EXOC2: variants seen among roughly 807,000 people sequenced by gnomAD.
EXOC2 encodes the protein exocyst complex component 2, also known as SEC5-like 1.
A neutral mutation model predicts 131.8 loss-of-function variants in EXOC2; 70 were observed. The ratio of observed to expected loss-of-function variants is 0.53; its 90% CI spans 0.44 to 0.65. The LOEUF (loss-of-function observed/expected upper bound fraction) is 0.65, where lower values mean the gene tolerates loss of function less well. Ranked by LOEUF, EXOC2 falls within the 30% of genes least tolerant of loss-of-function variation. The pLI is 0.00. For missense variants in EXOC2, 923 were observed against 1,108.6 expected, an observed-to-expected ratio of 0.83 and a Z score of 2.38; for synonymous variants, 411 against 398.4, an observed-to-expected ratio of 1.03 and a Z score of -0.38.
rs567412962 is a variant in EXOC2, at chr6:509,762, C to T, written c.2381-10062G>A. Among the ~76,000 whole-genome samples, 7 of 152,238 alleles carry T rather than the reference C, an allele frequency of 4.6e-5. No individual in the cohort carries two copies. The South Asian group carries it at 1.0e-3, about 23-fold the overall frequency. ...GCATTTCCTGTTGTAATTGGAAAGA[C>T]GGCTCCTTTAAACACAGGCGGATTT... On this transcript the variant is annotated intron_variant, in intron 23 of 27. Transcript: ENST00000230449.
intron 1 of EXOC2, among the ~76,000 whole-genome samples, chr6:646,316 TAGAC>T (rs60896046): frequency 0.67 from 101,637 of 151,504 alleles, 34,511 homozygotes; most frequent in Middle Eastern, 0.8. Context: ...CACAAAAACA[TAGAC>T]AGACAGATGG....
intron 1 of EXOC2, among the ~76,000 whole-genome samples, chr6:686,892 C>A (rs879438233): frequency 1.1e-4 from 16 of 152,056 alleles, no homozygotes; most frequent in Non-Finnish European, 1.9e-4. Flanking sequence ...CATCCACCCC[C>A]AACAAATAAA....
At chr6:553,415 GTA>G (rs1269143100) in intron 21 of EXOC2, among the ~76,000 whole-genome samples, 1 of 149,878 alleles carries the variant, frequency 6.7e-6, no homozygotes, top group African/African-American at 2.5e-5. Context: ...GTGTGTGTGT[GTA>G]TCTATTTGAG....
intron 23 of EXOC2, among the ~76,000 whole-genome samples, chr6:527,447 C>T (rs1765807491): frequency 6.6e-6 from 1 of 152,224 alleles, no homozygotes; most frequent in African/African-American, 2.4e-5. Flanking sequence ...TGTGCTTCTG[C>T]CTCTGTCTCC....
intron 1 of EXOC2, among the ~76,000 whole-genome samples, chr6:667,620 C>G (rs1290396368): frequency 1.0e-5 from 1 of 97,032 alleles, no homozygotes; most frequent in Admixed American, 1.2e-4. Context: ...CTTGAATCAC[C>G]AGAATGCCAC....
chr6:684,535 T>C (rs967917099), intron 1 of EXOC2, among the ~76,000 whole-genome samples: 5 of 152,344 alleles, frequency 3.3e-5, no homozygotes, highest in South Asian at 2.1e-4. Flanking sequence ...ATTTTCCTTA[T>C]AGATATACTA....
intron 7 of EXOC2, among the ~76,000 whole-genome samples, chr6:600,743 AAT>A (rs1281491718): frequency 3.4e-5 from 5 of 147,554 alleles, no homozygotes; most frequent in African/African-American, 1.3e-4. Flanking sequence ...AATTAAATAA[AAT>A]AGAGACAGAG....
At chr6:656,323 C>T in intron 1 of EXOC2, 1 of 1,614,142 alleles carries the variant, frequency 6.2e-7, no homozygotes, top group Non-Finnish European at 8.5e-7. Context: ...GGAGGGTTTC[C>T]AAGATTTTTA....
intron 1 of EXOC2, among the ~76,000 whole-genome samples, chr6:671,842 G>A (rs2127777750): frequency 6.6e-6 from 1 of 152,090 alleles, no homozygotes; most frequent in Middle Eastern, 3.4e-3. Context: ...GCTTCCTTCA[G>A]TATCCTTCAG....
At chr6:502,653 A>G (rs940147692) in intron 23 of EXOC2, among the ~76,000 whole-genome samples, 2 of 151,914 alleles carry the variant, frequency 1.3e-5, no homozygotes, top group East Asian at 1.9e-4. Flanking sequence ...CAAAAGAACC[A>G]TATTTTTGTG....
chr6:535,523 G>C (rs1481327745), intron 22 of EXOC2, among the ~76,000 whole-genome samples: 2 of 152,086 alleles, frequency 1.3e-5, no homozygotes, highest in African/African-American at 4.8e-5. Flanking sequence ...GACATTAAAA[G>C]GATAGTAAAA....
Position 486,605 on chromosome 6 carries a change from G to A in EXOC2, c.*66C>T, listed in dbSNP as rs894337875. ...TGTTTAATACACCAAATACCTTTAG[G>A]GTACTTAGAGAGTGAACAGTCTTAT... On this transcript the variant is annotated 3_prime_UTR_variant, in exon 28 of 28. Coordinates refer to ENST00000230449, the MANE Select transcript of EXOC2 (RefSeq NM_018303.6). 19 of 1,365,522 alleles carry A rather than the reference G, an allele frequency of 1.4e-5. No homozygotes were observed. The highest frequency in any genetic ancestry group is 4.3e-5 in the African/African-American group (3 of 69,398). 84.6% of individuals were successfully genotyped at this position (1,365,522 alleles called of 1,614,324 possible).
At chr6:543,041 CA>C (rs1427557536) in intron 22 of EXOC2, among the ~76,000 whole-genome samples, 1 of 152,132 alleles carries the variant, frequency 6.6e-6, no homozygotes, top group Non-Finnish European at 1.5e-5. Context: ...AGACATTAAG[CA>C]AAGCAACCGC....
chr6:501,102 A>ATATATATTATATATATCTATATAT (rs1764028187), intron 23 of EXOC2, among the ~76,000 whole-genome samples: 1 of 88,896 alleles, frequency 1.1e-5, no homozygotes, highest in African/African-American at 4.7e-5. Context: ...CTCAAAAGAT[A>ATATATATTATATATATCTATATAT]TATATATTAT....
At chr6:636,637 A>G (rs759690790) in intron 2 of EXOC2, among the ~76,000 whole-genome samples, 6 of 152,238 alleles carry the variant, frequency 3.9e-5, no homozygotes, top group Non-Finnish European at 8.8e-5. Context: ...TCGTGATTTC[A>G]GAACCTTAGT....
chr6:639,933 A>T (rs1251413604), intron 1 of EXOC2, among the ~76,000 whole-genome samples: 2 of 152,166 alleles, frequency 1.3e-5, no homozygotes, highest in Non-Finnish European at 2.9e-5. Context: ...CTTCAAAGGG[A>T]AAGGGAGGAT....
intron 11 of EXOC2, among the ~76,000 whole-genome samples, chr6:581,733 T>C (rs1410281238): frequency 7.3e-6 from 1 of 137,064 alleles, no homozygotes; most frequent in Non-Finnish European, 1.6e-5. Flanking sequence ...ATTAGTATCT[T>C]GGAAGGAAAA....
At chr6:650,680 C>T (rs1762789097) in intron 1 of EXOC2, among the ~76,000 whole-genome samples, 1 of 152,094 alleles carries the variant, frequency 6.6e-6, no homozygotes, top group African/African-American at 2.4e-5. Flanking sequence ...TTGATAGATA[C>T]TCCCTGTTAA....
intron 1 of EXOC2, among the ~76,000 whole-genome samples, chr6:664,717 A>G (rs1195161683): frequency 6.6e-6 from 1 of 152,216 alleles, no homozygotes; most frequent in Non-Finnish European, 1.5e-5. Flanking sequence ...AAATGGTGCT[A>G]GTATAACTGG....
Sources: gnomAD v4.1 joint callset for allele counts (sites outside exome capture counted in the v4.1 genomes callset) on GRCh38, gnomAD v4.1.1 for gene constraint, MANE v1.5 for transcripts, NCBI Gene and HGNC (gene_info 2026-07-23, HGNC 2026-07-21) for gene names.